The following PRL variants were observed in gnomAD, a reference collection of about 807,000 sequenced individuals.
PRL encodes the protein decidual prolactin.
In PRL, 24 loss-of-function variants were observed where a neutral mutation model predicts 21.3. That is an observed-to-expected ratio of 1.13 (90% CI 0.82 to 1.59). PRL has a LOEUF of 1.59. PRL is among the 40% of genes most tolerant of loss of function. The pLI is 0.00. For synonymous variants in PRL, 118 were observed against 115.7 expected (o/e 1.02, Z -0.13); for missense variants, 243 against 286.9 (o/e 0.85, Z 1.10).
upstream of PRL, among the ~76,000 whole-genome samples, chr6:22,300,845 A>G (rs549590016): frequency 6.6e-6 from 1 of 152,300 alleles, no homozygotes; most frequent in South Asian, 2.1e-4. Flanking sequence ...CTGCTATACT[A>G]TTCATATCCT....
intron 1 of PRL, 42 bp from the exon 2 acceptor site, chr6:22,294,626 C>A: frequency 6.7e-7 from 1 of 1,491,600 alleles, no homozygotes; most frequent in Non-Finnish European, 8.9e-7. Flanking sequence ...ATGATTTATT[C>A]CACGGAGGTT....
Position 22,292,608 on chromosome 6 carries a change from T to A in PRL, c.242A>T (p.Lys81Met). The change falls in exon 3 of 5, where the codon AAG becomes ATG. Residue 81 changes from lysine to methionine, a missense_variant. Physicochemically the swap from Lys to Met is moderately conservative, Grantham distance 95. Transcript: ENST00000306482. ...RYTHGRGFIT[K>M]AINSCHTSSL... ...AGAAGTGTGGCAGCTGTTGATGGCC[T>A]TGGTAATGAACCCCCGGCCATGGGT... The A allele has an allele frequency of 1.2e-6, 2 of 1,614,140 alleles. No homozygotes were observed. The highest frequency in any genetic ancestry group is 1.7e-6 in the Non-Finnish European group (2 of 1,180,030).
intron 2 of PRL, 132 bp downstream of exon 2, chr6:22,294,277 G>C: frequency 5.2e-6 from 5 of 967,836 alleles, no homozygotes; most frequent in Non-Finnish European, 8.0e-6. Flanking sequence ...TTATGAGCTG[G>C]TGTCTTCTTT....
chr6:22,292,712 C>G, intron 2 of PRL, 67 bp from the exon 3 acceptor site: 2 of 1,258,748 alleles, frequency 1.6e-6, no homozygotes, highest in Non-Finnish European at 2.2e-6. Flanking sequence ...AATCCATTAG[C>G]AGAATACTAA....
upstream of PRL, among the ~76,000 whole-genome samples, chr6:22,299,075 A>G (rs1172094901): frequency 1.3e-5 from 2 of 152,232 alleles, no homozygotes; most frequent in Non-Finnish European, 2.9e-5. Flanking sequence ...TGCAAAAATC[A>G]TAGTTGTCCT....
Position 22,290,122 on chromosome 6 carries a change from G to A in PRL, c.492+52C>T, listed in dbSNP as rs1055259318. 64 of 1,441,950 alleles carry A rather than the reference G, an allele frequency of 4.4e-5. No individual in the cohort carries two copies. The African/African-American group carries it at 8.7e-4, about 20-fold the overall frequency. The allele number at this position is 1,441,950 out of a possible 1,614,324, so 89.3% of individuals were successfully genotyped here. On this transcript the variant is annotated intron_variant, in intron 4 of 4. Coordinates refer to ENST00000306482, the MANE Select transcript of PRL (RefSeq NM_000948.6). Reference sequence around the variant, plus strand: ...AAGGGAAATATTTATCATCACAGAGGTCACCGCTTATATTAATGAGAAAAA... The same window carrying A: ...AAGGGAAATATTTATCATCACAGAGATCACCGCTTATATTAATGAGAAAAA...
intron 2 of PRL, 129 bp from the exon 3 acceptor site, chr6:22,292,774 A>T: frequency 1.4e-6 from 1 of 709,260 alleles, no homozygotes; most frequent in Non-Finnish European, 2.3e-6. Context: ...TAAAAATGAA[A>T]ACTAAAGAAT....
chr6:22,302,374 A>G, upstream of PRL, among the ~76,000 whole-genome samples: 1 of 152,128 alleles, frequency 6.6e-6, no homozygotes, highest in Non-Finnish European at 1.5e-5. Context: ...ATTAGGAGGC[A>G]GAATAAAATC....
chr6:22,287,597 A>G lies in PRL; in HGVS notation c.493-4T>C. On this transcript the variant is annotated splice_region_variant and splice_polypyrimidine_tract_variant and intron_variant, in intron 4 of 4. Transcript: ENST00000306482. ...TTTCTTTGGTTTCAGGATGAACCTA[A>G]TCACACAAAAAAAGAGTGACTTATT... is the stretch of plus-strand genomic sequence containing the variant. 2 of 1,584,904 alleles carry G rather than the reference A, an allele frequency of 1.3e-6. No individual in the cohort carries two copies.
chr6:22,291,879 A>G (rs1761057092), intron 3 of PRL, among the ~76,000 whole-genome samples: 1 of 152,248 alleles, frequency 6.6e-6, no homozygotes, highest in African/African-American at 2.4e-5. Context: ...TGAAGCTGAG[A>G]TACATGATTG....
At chr6:22,299,104 G>T (rs925832332), upstream of PRL, among the ~76,000 whole-genome samples, 2 of 152,198 alleles carry the variant, frequency 1.3e-5, no homozygotes, top group African/African-American at 4.8e-5. Context: ...TAACTGCTAT[G>T]CATGTTACCC....
At chr6:22,299,835 T>C (rs1351204905), upstream of PRL, among the ~76,000 whole-genome samples, 1 of 151,944 alleles carries the variant, frequency 6.6e-6, no homozygotes, top group Non-Finnish European at 1.5e-5. Context: ...GGAGACTCCA[T>C]CTCAAAAAAA....
Position 22,287,521 on chromosome 6 carries a change from C to T in PRL, c.565G>A (p.Glu189Lys). ...SGLPSLQMAD[E>K]ESRLSAYYNL... ...TAATAAGCAGAAAGGCGAGACTCTT[C>T]ATCAGCCATCTGCAGGGATGGAAGT... is the stretch of plus-strand genomic sequence containing the variant. The change falls in exon 5 of 5, where the codon GAA becomes AAA. Residue 189 changes from glutamate (E) to lysine (K), a missense_variant. Coordinates refer to ENST00000306482, the MANE Select transcript of PRL (RefSeq NM_000948.6). The T allele has an allele frequency of 6.2e-7, 1 of 1,614,072 alleles. No homozygotes were observed. The highest frequency in any genetic ancestry group is 8.5e-7 in the Non-Finnish European group (1 of 1,179,972).
At position 22,296,864 on chromosome 6, in the gene PRL, C is replaced by T. The variant is rs537473712; in HGVS notation, c.28+91G>A. ...GATTGTGCTTCTAAACCTTGTAAAC[C>T]TGCAAGCTCTTGTTATTAGTTAAAA... On this transcript the variant is annotated intron_variant, in intron 1 of 4. Transcript: ENST00000306482. 1.2e-5 allele frequency: 17 copies of T among 1,403,406 alleles called. No homozygotes were observed. In the South Asian group the frequency reaches 1.9e-4, roughly 16 times the overall value. The allele number at this position is 1,403,406 out of a possible 1,614,324, so 86.9% of individuals were successfully genotyped here. A position where few individuals can be genotyped will look rare whatever the true frequency, so the allele number is the denominator to read the frequency against.
chr6:22,292,399 G>T, intron 3 of PRL, 139 bp downstream of exon 3: 1 of 774,774 alleles, frequency 1.3e-6, no homozygotes, highest in Non-Finnish European at 2.2e-6. Context: ...ACTACATAAT[G>T]TAATTTTTTG....
In PRL at chr6:22,287,429, G is replaced by A; in HGVS notation, c.657C>T (p.Cys219=). The change falls in exon 5 of 5, where the codon TGC becomes TGT. Residue 219 remains cysteine (C), a synonymous_variant. Coordinates refer to ENST00000306482, the MANE Select transcript of PRL (RefSeq NM_000948.6). ...KIDNYLKLLK[C]RIIHNNNC is the part of the protein sequence containing the mutation. Reference sequence around the variant, plus strand: ...AGCAGTTGTTGTTGTGGATGATTCGGCACTTCAGGAGCTTGAGATAATTGT... The same window carrying A: ...AGCAGTTGTTGTTGTGGATGATTCGACACTTCAGGAGCTTGAGATAATTGT... 6.2e-7 allele frequency: 1 copy of A among 1,613,600 alleles called. No individual in the cohort carries two copies. The highest frequency in any genetic ancestry group is 1.1e-5 in the South Asian group (1 of 90,982).
chr6:22,293,699 G>A (rs1761112033), intron 2 of PRL, among the ~76,000 whole-genome samples: 1 of 121,956 alleles, frequency 8.2e-6, no homozygotes, highest in Non-Finnish European at 1.7e-5. Context: ...AGGAAGGAAG[G>A]AAGGAAAGAA....
Position 22,288,410 on chromosome 6 carries a change from C to G in PRL, c.493-817G>C, listed in dbSNP as rs557827010. Among the ~76,000 whole-genome samples, 1 of 152,190 alleles carries G rather than the reference C, an allele frequency of 6.6e-6. No individual in the cohort carries two copies. Among genetic ancestry groups the G allele is most frequent in the South Asian group, 2.1e-4 (1 of 4,828 alleles). On this transcript the variant is annotated intron_variant, in intron 4 of 4. Transcript: ENST00000306482. The surrounding 1 kb of genome is among the most constrained non-coding windows in gnomAD (Gnocchi z 4.5). ...ATCAGCCGTGCCTATTGGTGCACGC[C>G]TGTTGTCCCAGCTACTTGGGAGGCT...
At chr6:22,292,764 T>A in intron 2 of PRL, 119 bp from the exon 3 acceptor site, 1 of 762,820 alleles carries the variant, frequency 1.3e-6, no homozygotes, top group Non-Finnish European at 2.1e-6. Context: ...TAGAGCTACA[T>A]AAAAATGAAA....
Sources: gnomAD v4.1 joint callset for allele counts (sites outside exome capture counted in the v4.1 genomes callset) on GRCh38, gnomAD v4.1.1 for gene constraint, Gnocchi (gnomAD v3.1) non-coding constraint, MANE v1.5 for transcripts, NCBI Gene and HGNC (gene_info 2026-07-23, HGNC 2026-07-21) for gene names.